Variants in CDH13 observed in about 807,000 individuals in gnomAD.
CDH13 encodes cadherin-13.
Under a neutral mutation model 63.8 loss-of-function variants are expected in CDH13, and 24 were observed. The ratio of observed to expected loss-of-function variants is 0.38; its 90% CI spans 0.27 to 0.53. The LOEUF is 0.53. Ranked by LOEUF, CDH13 falls within the 20% of genes least tolerant of loss-of-function variation. The pLI, the probability that CDH13 is intolerant of heterozygous loss-of-function variation, is 0.85. For synonymous variants in CDH13, 503 were observed against 355.3 expected, an observed-to-expected ratio of 1.42 and a Z score of -4.67; for missense variants, 1,049 against 903.1, an observed-to-expected ratio of 1.16 and a Z score of -2.07.
intron 1 of CDH13, among the ~76,000 whole-genome samples, chr16:82,718,929 C>A (rs538375573): frequency 1.3e-5 from 2 of 152,308 alleles, no homozygotes; most frequent in South Asian, 4.1e-4. Context: ...CAGCATCTCA[C>A]CAGACCTGAG....
intron 1 of CDH13, among the ~76,000 whole-genome samples, chr16:82,832,296 C>T (rs2038576575): frequency 1.3e-5 from 2 of 152,214 alleles, no homozygotes; most frequent in Middle Eastern, 3.4e-3. Flanking sequence ...AACATGAAAC[C>T]AGTTTGAAAA....
chr16:83,593,901 C>G (rs1458758731), intron 7 of CDH13, among the ~76,000 whole-genome samples: 1 of 152,098 alleles, frequency 6.6e-6, no homozygotes, highest in African/African-American at 2.4e-5. Context: ...CTGGGGAAAA[C>G]GGTACTCATT....
chr16:82,795,919 G>A (rs1235129048), intron 1 of CDH13, among the ~76,000 whole-genome samples: 2 of 149,486 alleles, frequency 1.3e-5, no homozygotes, highest in African/African-American at 4.9e-5. Context: ...GCTTAACACA[G>A]TGGAAAAAAA....
intron 4 of CDH13, among the ~76,000 whole-genome samples, chr16:83,215,560 T>C (rs2039473187): frequency 6.6e-6 from 1 of 150,396 alleles, no homozygotes; most frequent in Admixed American, 6.6e-5. Context: ...TGGCGTAAAG[T>C]TCATGCTGCC....
intron 1 of CDH13, among the ~76,000 whole-genome samples, chr16:82,662,016 A>T (rs923141442): frequency 3.3e-5 from 5 of 152,234 alleles, no homozygotes; most frequent in Non-Finnish European, 7.3e-5. Flanking sequence ...ACAGGCGGCT[A>T]GTGGTTCTCA....
rs1382834548 is a variant in CDH13, at chr16:83,757,149, TAAAAC to T, written c.1681+8901_1681+8905del. 9.9e-5 allele frequency among the ~76,000 whole-genome samples: 15 copies of T among 152,202 alleles called. No homozygotes were observed. In the East Asian group the frequency reaches 2.7e-3, roughly 27 times the overall value. Reference sequence around the variant, plus strand: ...CAGAAACACCCTAACTGACTGAACATAAAACAGTACACTTCCAAATAACTCATAAT... The same window carrying T: ...CAGAAACACCCTAACTGACTGAACATAGTACACTTCCAAATAACTCATAAT... On this transcript the variant is annotated intron_variant, in intron 11 of 13. Transcript: ENST00000567109.
chr16:82,715,459 C>G (rs1415438863), intron 1 of CDH13, among the ~76,000 whole-genome samples: 1 of 152,084 alleles, frequency 6.6e-6, no homozygotes, highest in East Asian at 1.9e-4. Context: ...ATCTTGAGAC[C>G]AGAGCTACGT....
intron 2 of CDH13, among the ~76,000 whole-genome samples, chr16:82,891,757 G>A (rs1378731602): frequency 1.3e-5 from 2 of 152,122 alleles, no homozygotes; most frequent in Non-Finnish European, 2.9e-5. Flanking sequence ...GGTTTCCATA[G>A]GACCAGGCAA....
At chr16:83,077,172 C>CT (rs59169986) in intron 3 of CDH13, among the ~76,000 whole-genome samples, 1 of 103,316 alleles carries the variant, frequency 9.7e-6, no homozygotes, top group Non-Finnish European at 2.1e-5. Context: ...CTTTTCTTTT[C>CT]TTTTTTTTCT....
At chr16:83,442,364 T>C (rs146651814) in intron 6 of CDH13, among the ~76,000 whole-genome samples, 209 of 152,306 alleles carry the variant, frequency 1.4e-3, no homozygotes, top group Non-Finnish European at 2.2e-3. Flanking sequence ...CCCACCTCCA[T>C]GAGCAGCTAT....
intron 4 of CDH13, among the ~76,000 whole-genome samples, chr16:83,209,865 A>C (rs1468525763): frequency 1.3e-5 from 2 of 152,130 alleles, no homozygotes; most frequent in Non-Finnish European, 2.9e-5. Flanking sequence ...AATCGCCGGC[A>C]CCAAGTCCAG....
At chr16:82,984,135 C>G (rs1476610294) in intron 2 of CDH13, among the ~76,000 whole-genome samples, 1 of 152,160 alleles carries the variant, frequency 6.6e-6, no homozygotes, top group African/African-American at 2.4e-5. Context: ...CCCAAATATT[C>G]TAAATTTGGA....
chr16:83,353,650 C>T (rs528574929), intron 6 of CDH13, among the ~76,000 whole-genome samples: 1 of 152,226 alleles, frequency 6.6e-6, no homozygotes, highest in South Asian at 2.1e-4. Flanking sequence ...GGCTGGAGAT[C>T]AGCTCAAGAG....
At chr16:83,557,860 G>T (rs189544328) in intron 7 of CDH13, among the ~76,000 whole-genome samples, 1 of 152,090 alleles carries the variant, frequency 6.6e-6, no homozygotes, top group African/African-American at 2.4e-5. Flanking sequence ...CACATGCTTC[G>T]ATCATTTTGA....
intron 6 of CDH13, among the ~76,000 whole-genome samples, chr16:83,454,458 A>G (rs372537669): frequency 7.9e-5 from 12 of 152,154 alleles, no homozygotes; most frequent in African/African-American, 2.4e-4. Flanking sequence ...TTTCCTTCTC[A>G]TCTGTGTCCA....
rs76369338 is a variant in CDH13 at position 82,632,227 on chromosome 16, C to T, written c.45+5090C>T. ...TGTGCTCACTAATTTTGCCTGCTTGCCCCTAGGGCTTTTTGAGTTTGGGAC... is the reference window on the plus strand; with the variant it reads ...TGTGCTCACTAATTTTGCCTGCTTGTCCCTAGGGCTTTTTGAGTTTGGGAC... On this transcript the variant is annotated intron_variant, in intron 1 of 13. Coordinates refer to ENST00000567109, the MANE Select transcript of CDH13 (RefSeq NM_001257.5). Among the ~76,000 whole-genome samples the T allele has an allele frequency of 3.2e-3, 486 of 152,268 alleles. 2 individuals are homozygous for T. The highest frequency in any genetic ancestry group is 0.011 in the African/African-American group (463 of 41,542).
rs148347793 is a variant in CDH13 at position 83,459,564 on chromosome 16, T to C, written c.782-26913T>C. Among the ~76,000 whole-genome samples the C allele has an allele frequency of 8.0e-3, 1,212 of 152,360 alleles. 10 individuals carry two copies. The highest frequency in any genetic ancestry group is 0.024 in the Middle Eastern group (7 of 294). Reference sequence around the variant, plus strand: ...TGAAGCAAGCTAACTAATTAAACTTTGCAATTTGGTTTCACTGTGCTGTAC... The same window carrying C: ...TGAAGCAAGCTAACTAATTAAACTTCGCAATTTGGTTTCACTGTGCTGTAC... On this transcript the variant is annotated intron_variant, in intron 6 of 13. Transcript: ENST00000567109.
chr16:82,944,744 G>T (rs1387113009), intron 2 of CDH13, among the ~76,000 whole-genome samples: 1 of 152,124 alleles, frequency 6.6e-6, no homozygotes, highest in Non-Finnish European at 1.5e-5. Flanking sequence ...ATAGGCCCTT[G>T]TGAATTTATT....
chr16:82,978,338 T>C (rs1909802291), intron 2 of CDH13, among the ~76,000 whole-genome samples: 1 of 152,206 alleles, frequency 6.6e-6, no homozygotes. Context: ...GAAATTTGCA[T>C]CAGTAATGAG....
Sources: gnomAD v4.1 joint callset for allele counts (sites outside exome capture counted in the v4.1 genomes callset) on GRCh38, gnomAD v4.1.1 for gene constraint, MANE v1.5 for transcripts, NCBI Gene and HGNC (gene_info 2026-07-23, HGNC 2026-07-21) for gene names.